PARP8: variants seen among roughly 807,000 people sequenced by gnomAD.
The protein encoded by PARP8 is protein mono-ADP-ribosyltransferase PARP8.
PARP8 carries 51 observed loss-of-function variants against 124.1 expected under a neutral mutation model. The observed-to-expected ratio is 0.41, with a 90% CI of 0.33 to 0.52. The LOEUF (loss-of-function observed/expected upper bound fraction) is 0.52. PARP8 is among the 20% of genes least tolerant of loss of function. PARP8 has a pLI of 0.21. For synonymous variants in PARP8, 391 were observed against 361.5 expected, an observed-to-expected ratio of 1.08 and a Z score of -0.93; for missense variants, 860 against 1,018.9, an observed-to-expected ratio of 0.84 and a Z score of 2.12.
chr5:50,766,336 A>C (rs1761057636), intron 7 of PARP8, among the ~76,000 whole-genome samples: 1 of 152,210 alleles, frequency 6.6e-6, no homozygotes, highest in African/African-American at 2.4e-5. Flanking sequence ...CTCATCTTGA[A>C]TCATTCAACA....
At chr5:50,783,239 G>C (rs897074868) in intron 9 of PARP8, among the ~76,000 whole-genome samples, 15 of 151,884 alleles carry the variant, frequency 9.9e-5, no homozygotes, top group African/African-American at 3.6e-4. Flanking sequence ...GAGAAGAAGG[G>C]AAATAATACC....
At chr5:50,785,781 A>G (rs893058662) in intron 9 of PARP8, among the ~76,000 whole-genome samples, 7 of 152,158 alleles carry the variant, frequency 4.6e-5, no homozygotes, top group African/African-American at 1.7e-4. Context: ...AACAGGGGAT[A>G]CCATTTGGCT....
At chr5:50,667,679 C>G (rs1216559864) in intron 1 of PARP8, 8 of 699,838 alleles carry the variant, frequency 1.1e-5, no homozygotes, top group Non-Finnish European at 1.0e-5. Flanking sequence ...CCCTCTAGTC[C>G]CCTCCGACTG....
chr5:50,755,584 C>A (rs1240849685), intron 3 of PARP8, among the ~76,000 whole-genome samples: 1 of 152,104 alleles, frequency 6.6e-6, no homozygotes, highest in Admixed American at 6.5e-5. Context: ...GTTGCTGTAG[C>A]CTTATAGTAT....
intron 15 of PARP8, among the ~76,000 whole-genome samples, chr5:50,817,143 GC>G (rs1214007728): frequency 6.6e-6 from 1 of 152,132 alleles, no homozygotes; most frequent in Non-Finnish European, 1.5e-5. Context: ...AAAGTAGTAT[GC>G]TAACAGTATG....
At chr5:50,741,034 G>A (rs944642912) in intron 2 of PARP8, among the ~76,000 whole-genome samples, 14 of 152,066 alleles carry the variant, frequency 9.2e-5, no homozygotes, top group African/African-American at 3.4e-4. Context: ...TTGGTATGCT[G>A]TGCAGATCAT....
chr5:50,802,727 G>T (rs983638431), intron 14 of PARP8, among the ~76,000 whole-genome samples: 4 of 152,014 alleles, frequency 2.6e-5, no homozygotes, highest in African/African-American at 9.7e-5. Flanking sequence ...TTTATATTAT[G>T]TGCCCATCAA....
intron 4 of PARP8, 77 bp from the exon 5 acceptor site, chr5:50,760,215 T>C: frequency 8.0e-7 from 1 of 1,257,532 alleles, no homozygotes; most frequent in Non-Finnish European, 1.1e-6. Context: ...AGGGTAGTTT[T>C]ATACCAAAAC....
At chr5:50,830,373 GA>G (rs1247535452) in intron 22 of PARP8, among the ~76,000 whole-genome samples, 7 of 152,054 alleles carry the variant, frequency 4.6e-5, no homozygotes, top group Admixed American at 4.6e-4. Flanking sequence ...CATTAGAGTA[GA>G]AAAACACCCT....
chr5:50,788,008 C>T (rs1236852248), intron 9 of PARP8, among the ~76,000 whole-genome samples: 1 of 149,298 alleles, frequency 6.7e-6, no homozygotes, highest in Non-Finnish European at 1.5e-5. Flanking sequence ...AGGAAATCTC[C>T]TGTGCCTTCT....
chr5:50,733,158 G>T (rs749325254), intron 2 of PARP8, among the ~76,000 whole-genome samples: 4 of 151,784 alleles, frequency 2.6e-5, no homozygotes, highest in Admixed American at 2.0e-4. Flanking sequence ...AAAAAAATTA[G>T]CCAGGCGTGG....
intron 9 of PARP8, among the ~76,000 whole-genome samples, chr5:50,785,450 T>C (rs957275510): frequency 4.6e-5 from 7 of 152,190 alleles, no homozygotes; most frequent in African/African-American, 1.4e-4. Flanking sequence ...TGTAGCTAGA[T>C]CTCTTTTGTT....
intron 2 of PARP8, among the ~76,000 whole-genome samples, chr5:50,747,159 TTTTG>T (rs1758655470): frequency 7.5e-6 from 1 of 133,724 alleles, no homozygotes; most frequent in African/African-American, 3.0e-5. Context: ...TGTTTGTTTG[TTTTG>T]TTTTTTTTTT....
intron 2 of PARP8, among the ~76,000 whole-genome samples, chr5:50,711,149 C>T (rs879716729): frequency 5.3e-5 from 8 of 152,146 alleles, no homozygotes; most frequent in African/African-American, 1.9e-4. Context: ...TTTCCTCTCT[C>T]GTTTTACCTC....
At chr5:50,834,429 TC>T (rs1307687954) in intron 24 of PARP8, among the ~76,000 whole-genome samples, 5 of 152,162 alleles carry the variant, frequency 3.3e-5, no homozygotes, top group Non-Finnish European at 7.4e-5. Context: ...ACCTATTAGG[TC>T]TTTCTGTTCC....
chr5:50,813,225 C>G (rs32398), intron 14 of PARP8, among the ~76,000 whole-genome samples: 127,399 of 152,092 alleles, frequency 0.84, 53,758 homozygotes, highest in African/African-American at 0.95. Context: ...CTATCCATGA[C>G]CATGGAATAT....
At chr5:50,727,235 C>T (rs570554047) in intron 2 of PARP8, among the ~76,000 whole-genome samples, 1 of 152,198 alleles carries the variant, frequency 6.6e-6, no homozygotes, top group African/African-American at 2.4e-5. Flanking sequence ...TGAGATACTT[C>T]CTTGTACTAA....
Position 50,822,358 on chromosome 5 carries a change from G to T in PARP8, c.1818G>T (p.Met606Ile). Residue 606 changes from methionine to isoleucine, a missense_variant, in exon 17 of 26, where the codon ATG becomes ATT. Transcript: ENST00000281631. ...NPRKKNYDRV[M>I]KALDSITSIR... The stretch of plus-strand genomic sequence containing the variant: ...AGAAAAAGAACTATGATCGAGTAAT[G>T]AAAGCACTGGATAGCATAACTTCTA... 6.2e-7 allele frequency: 1 copy of T among 1,611,656 alleles called. No homozygotes were observed. Among genetic ancestry groups the T allele is most frequent in the Non-Finnish European group, 8.5e-7 (1 of 1,178,040 alleles).
chr5:50,809,949 ATTTCTTAAAATACAATTAGG>A (rs1744255575), intron 14 of PARP8, among the ~76,000 whole-genome samples: 3 of 152,052 alleles, frequency 2.0e-5, no homozygotes, highest in Admixed American at 6.6e-5. Flanking sequence ...GAAAACATAA[ATTTCTTAAAATACAATTAGG>A]TTCTAAAATA....
Sources: allele counts gnomAD v4.1 joint callset (sites outside exome capture counted in the v4.1 genomes callset), GRCh38; gene constraint gnomAD v4.1.1; transcripts MANE v1.5; gene names NCBI Gene and HGNC (gene_info 2026-07-23, HGNC 2026-07-21).